The following SPECC1 variants were observed in gnomAD, a reference collection of about 807,000 sequenced individuals.
The protein encoded by SPECC1 is cytospin-B.
A neutral mutation model predicts 104.1 loss-of-function variants in SPECC1; 62 were observed. The observed-to-expected ratio is 0.60, with a 90% CI of 0.49 to 0.74. The LOEUF (loss-of-function observed/expected upper bound fraction) is 0.74. Among genes scored for constraint, SPECC1 ranks in the 30% least tolerant of loss-of-function variants. The probability of loss-of-function intolerance (pLI) is 0.00; values close to 1 mark genes in which losing one functional copy is unlikely to be tolerated. For missense variants in SPECC1, 1,306 were observed against 1,310.5 expected (o/e 1.00, Z 0.05); for synonymous variants, 513 against 501.6 (o/e 1.02, Z -0.30).
intron 3 of SPECC1, among the ~76,000 whole-genome samples, chr17:20,171,080 A>C (rs1233884570): frequency 6.6e-6 from 1 of 152,242 alleles, no homozygotes; most frequent in Non-Finnish European, 1.5e-5. Context: ...TATGAAAATT[A>C]TCTGTTTATA....
chr17:20,281,763 G>A (rs1053975899), intron 12 of SPECC1, among the ~76,000 whole-genome samples: 1 of 152,224 alleles, frequency 6.6e-6, no homozygotes, highest in Non-Finnish European at 1.5e-5. Flanking sequence ...AGGAGGAAGA[G>A]TGGAATTAAT....
intron 1 of SPECC1, among the ~76,000 whole-genome samples, chr17:20,062,674 G>A (rs377117472): frequency 2.0e-5 from 3 of 150,970 alleles, no homozygotes; most frequent in African/African-American, 4.9e-5. Flanking sequence ...AAAATTTCAC[G>A]TATAACACAA....
At chr17:20,157,934 G>A (rs1266346137) in intron 3 of SPECC1, among the ~76,000 whole-genome samples, 1 of 152,154 alleles carries the variant, frequency 6.6e-6, no homozygotes, top group Non-Finnish European at 1.5e-5. Context: ...AAGTAGCTGA[G>A]ACTACAGACA....
chr17:20,147,070 T>C (rs1353710283), intron 3 of SPECC1, among the ~76,000 whole-genome samples: 1 of 151,364 alleles, frequency 6.6e-6, no homozygotes, highest in Non-Finnish European at 1.5e-5. Context: ...TGCATAACAG[T>C]ATGGATCGTG....
At chr17:20,096,069 T>C (rs1412379184) in intron 1 of SPECC1, 2 of 152,212 alleles carry the variant, frequency 1.3e-5, no homozygotes, top group East Asian at 1.9e-4. Context: ...TAAAATATTG[T>C]AGTTAGGGCA....
chr17:20,175,875 CATGCCA>C (rs981427970), intron 3 of SPECC1, among the ~76,000 whole-genome samples: 6 of 152,190 alleles, frequency 3.9e-5, no homozygotes, highest in Non-Finnish European at 8.8e-5. Context: ...TCTCCTGTGT[CATGCCA>C]AGGGATTTGA....
intron 3 of SPECC1, among the ~76,000 whole-genome samples, chr17:20,197,705 C>T (rs2036130484): frequency 1.3e-5 from 2 of 152,176 alleles, no homozygotes; most frequent in Non-Finnish European, 2.9e-5. Context: ...ACTTCATCCA[C>T]TTTTTTGTTT....
intron 1 of SPECC1, among the ~76,000 whole-genome samples, chr17:20,061,726 A>G (rs1433234979): frequency 6.6e-6 from 1 of 152,204 alleles, no homozygotes; most frequent in East Asian, 1.9e-4. Flanking sequence ...TCTATAACTT[A>G]CTGACTTCAG....
At chr17:20,261,271 G>A (rs1238517083) in intron 12 of SPECC1, among the ~76,000 whole-genome samples, 3 of 152,012 alleles carry the variant, frequency 2.0e-5, no homozygotes, top group Middle Eastern at 3.2e-3. Flanking sequence ...GGGAGGCCGA[G>A]GTGGGCAGAT....
intron 3 of SPECC1, chr17:20,112,700 A>T: frequency 8.9e-7 from 1 of 1,123,570 alleles, no homozygotes; most frequent in Non-Finnish European, 1.4e-6. Flanking sequence ...GAAACTGTGT[A>T]ATTTTGAGGA....
intron 4 of SPECC1, among the ~76,000 whole-genome samples, chr17:20,214,092 C>T (rs1193227548): frequency 1.3e-5 from 2 of 152,218 alleles, no homozygotes; most frequent in African/African-American, 4.8e-5. Context: ...TGTTTTGGCT[C>T]TGTGGACTTG....
chr17:20,263,600 C>T (rs2151606893), intron 12 of SPECC1, among the ~76,000 whole-genome samples: 1 of 151,882 alleles, frequency 6.6e-6, no homozygotes, highest in Admixed American at 6.6e-5. Flanking sequence ...GAGGCAGCTG[C>T]CTGCAGGAGG....
intron 4 of SPECC1, among the ~76,000 whole-genome samples, chr17:20,208,569 G>A (rs537597818): frequency 6.6e-5 from 10 of 152,298 alleles, no homozygotes; most frequent in African/African-American, 2.4e-4. Context: ...ATGATGAAGG[G>A]TCTAACATGC....
At chr17:20,286,241 TAAC>T (rs1347166681) in intron 12 of SPECC1, among the ~76,000 whole-genome samples, 3 of 152,176 alleles carry the variant, frequency 2.0e-5, no homozygotes, top group Admixed American at 2.0e-4. Context: ...CACTCAAGGA[TAAC>T]AATGATCCTA....
At chr17:20,113,011 AC>A in intron 3 of SPECC1, 1 of 866,302 alleles carries the variant, frequency 1.2e-6, no homozygotes, top group Non-Finnish European at 2.0e-6. Flanking sequence ...GGCTGGAGGA[AC>A]ATGTACAAGA....
chr17:20,134,779 G>A (rs1270179166), intron 3 of SPECC1, among the ~76,000 whole-genome samples: 1 of 152,148 alleles, frequency 6.6e-6, no homozygotes, highest in African/African-American at 2.4e-5. Context: ...AAATGGGGGT[G>A]AATGAGAAAT....
chr17:20,080,931 C>T (rs1317573941), intron 1 of SPECC1, among the ~76,000 whole-genome samples: 4 of 152,082 alleles, frequency 2.6e-5, no homozygotes, highest in Non-Finnish European at 5.9e-5. Context: ...CGGCGTCACC[C>T]CTGTAGCTGC....
chr17:20,306,194 G>C (rs752430689), intron 14 of SPECC1, 112 bp downstream of exon 14: 3 of 967,310 alleles, frequency 3.1e-6, no homozygotes, highest in Admixed American at 2.1e-5. Context: ...CCGAAAGTCT[G>C]TTGCTCTCAA....
In SPECC1 at chr17:20,141,856, T is replaced by G. The variant is rs77594218; in HGVS notation, c.283+31294T>G. 6.6e-5 allele frequency among the ~76,000 whole-genome samples: 10 copies of G among 152,346 alleles called. No homozygotes were observed. In the East Asian group the frequency reaches 1.9e-3, roughly 29 times the overall value. ...TTGCCTAAGGAACTTTTCTTCCGAT[T>G]CAGTTACGTAACTTTGTGATCTTCT... is the stretch of plus-strand genomic sequence containing the variant. On this transcript the variant is annotated intron_variant, in intron 3 of 14. Transcript: ENST00000395527.
Sources: gnomAD v4.1 joint callset for allele counts (sites outside exome capture counted in the v4.1 genomes callset) on GRCh38, gnomAD v4.1.1 for gene constraint, MANE v1.5 for transcripts, NCBI Gene and HGNC (gene_info 2026-07-23, HGNC 2026-07-21) for gene names.